Variants in MYT1L observed in about 807,000 individuals in gnomAD.
MYT1L encodes the protein myelin transcription factor 1 like.
MYT1L carries 12 observed loss-of-function variants against 126.7 expected under a neutral mutation model. That is an observed-to-expected ratio of 0.09 (90% CI 0.06 to 0.15). The LOEUF is 0.15. Among genes scored for constraint, MYT1L ranks in the 10% least tolerant of loss-of-function variants. MYT1L has a pLI of 1.00. For synonymous variants in MYT1L, 541 were observed against 604.2 expected (o/e 0.90, Z 1.53); for missense variants, 979 against 1,585.2 (o/e 0.62, Z 6.49).
chr2:2,021,098 G>A (rs2149827911), intron 4 of MYT1L, among the ~76,000 whole-genome samples: 1 of 152,322 alleles, frequency 6.6e-6, no homozygotes, highest in Non-Finnish European at 1.5e-5. Flanking sequence ...TCCCGGAGGG[G>A]CTGCTTTAGA....
At chr2:1,866,709 G>C (rs866957540) in intron 18 of MYT1L, among the ~76,000 whole-genome samples, 2 of 115,638 alleles carry the variant, frequency 1.7e-5, no homozygotes, top group Admixed American at 1.7e-4. Context: ...GAGGGAGGGA[G>C]AGAGAGAGGC....
intron 3 of MYT1L, among the ~76,000 whole-genome samples, chr2:2,128,977 C>T (rs1005316562): frequency 3.9e-5 from 6 of 152,126 alleles, no homozygotes; most frequent in African/African-American, 1.4e-4. Context: ...AGAGACTCTT[C>T]CAAGGAATAT....
chr2:2,209,728 G>A (rs1052062863), intron 2 of MYT1L, among the ~76,000 whole-genome samples: 1 of 151,996 alleles, frequency 6.6e-6, no homozygotes, highest in African/African-American at 2.4e-5. Flanking sequence ...CCAAATGTTG[G>A]CTCTTGTGAA....
chr2:1,903,866 T>C (rs920320226), intron 13 of MYT1L, among the ~76,000 whole-genome samples: 1 of 152,146 alleles, frequency 6.6e-6, no homozygotes, highest in African/African-American at 2.4e-5. Flanking sequence ...CTTAATGTCT[T>C]TGGAATAAAA....
chr2:1,902,068 C>T lies in MYT1L; in HGVS notation c.2032+1012G>A, dbSNP rs114299446. Reference sequence around the variant, plus strand: ...GACTTCTAAATCATCAGAACATTTACACCCCAAGTCCCAATTGGTAAAACT... The same window carrying T: ...GACTTCTAAATCATCAGAACATTTATACCCCAAGTCCCAATTGGTAAAACT... On this transcript the variant is annotated intron_variant, in intron 14 of 24. Coordinates refer to ENST00000647738, the MANE Select transcript of MYT1L (RefSeq NM_001303052.2). Among the ~76,000 whole-genome samples, 838 of 152,346 alleles carry T rather than the reference C, an allele frequency of 5.5e-3. 4 individuals carry two copies. The highest frequency in any genetic ancestry group is 0.019 in the African/African-American group (785 of 41,572).
chr2:1,796,013 C>T (rs758286833), intron 23 of MYT1L, among the ~76,000 whole-genome samples: 1 of 152,112 alleles, frequency 6.6e-6, no homozygotes, highest in Non-Finnish European at 1.5e-5. Context: ...CTAAGAATGG[C>T]GTTTGCATTT....
intron 2 of MYT1L, among the ~76,000 whole-genome samples, chr2:2,178,694 C>T (rs1167005547): frequency 6.6e-6 from 1 of 152,094 alleles, no homozygotes; most frequent in Non-Finnish European, 1.5e-5. Context: ...GGTAGAATGG[C>T]TTTTGGCATT....
At chr2:1,998,006 T>G (rs1401411928) in intron 4 of MYT1L, among the ~76,000 whole-genome samples, 2 of 152,216 alleles carry the variant, frequency 1.3e-5, no homozygotes, top group African/African-American at 4.8e-5. Context: ...TAATTGAAAC[T>G]GAATTATCTG....
Position 1,917,294 on chromosome 2 carries a change from C to T in MYT1L, c.1529G>A (p.Gly510Glu). Residue 510 changes from glycine to glutamate, a missense_variant, in exon 11 of 25, where the codon GGG becomes GAG. Around this residue, in one of 12 missense-constraint regions of MYT1L, gnomAD observed 8 missense variants for 52.3 expected, o/e 0.15. Coordinates refer to ENST00000647738, the MANE Select transcript of MYT1L (RefSeq NM_001303052.2). This position sits in a 1 kb window ranked among gnomAD's most constrained non-coding sequence, Gnocchi z 5.9. The part of the protein sequence containing the change: ...EKKESKCPTP[G>E]CDGTGHVTGL... ...AGTTACGTGGCCGGTTCCATCACAC[C>T]CGGGGGTTGGACACTTGCTCTCTTT... is the stretch of plus-strand genomic sequence containing the variant. The T allele has an allele frequency of 6.2e-7, 1 of 1,612,974 alleles. No homozygotes were observed.
intron 2 of MYT1L, among the ~76,000 whole-genome samples, chr2:2,212,940 C>G (rs963095331): frequency 1.3e-5 from 2 of 152,162 alleles, no homozygotes; most frequent in Admixed American, 6.5e-5. Context: ...AGCTGGCCAT[C>G]TGTCTTTCAT....
At position 2,331,093 on chromosome 2, in the gene MYT1L, A is replaced by T. The variant is rs964152009; in HGVS notation, c.-647T>A. ...CAAGTTTGAAAGGATGATGAGACAC[A>T]TGCATGCCACCAAGACGCAGAAAAG... On this transcript the variant is annotated 5_prime_UTR_variant, in exon 1 of 25. An upstream start codon of the reference 5' UTR is lost. Coordinates refer to ENST00000647738, the MANE Select transcript of MYT1L (RefSeq NM_001303052.2). 1 of 152,098 alleles carries T rather than the reference A, an allele frequency of 6.6e-6. No individual in the cohort carries two copies. The highest frequency in any genetic ancestry group is 2.4e-5 in the African/African-American group (1 of 41,438). The allele number at this position is 152,098 out of a possible 1,614,324, so 9.4% of individuals were successfully genotyped here.
intron 15 of MYT1L, among the ~76,000 whole-genome samples, chr2:1,891,045 C>T (rs908992931): frequency 3.9e-5 from 6 of 152,174 alleles, no homozygotes; most frequent in Admixed American, 1.3e-4. Flanking sequence ...CTCTTCCATG[C>T]TAACCTTGCA....
intron 4 of MYT1L, among the ~76,000 whole-genome samples, chr2:2,004,547 G>T (rs533991116): frequency 1.8e-4 from 25 of 139,482 alleles, no homozygotes; most frequent in Non-Finnish European, 3.1e-4. Context: ...TCCTGCATGC[G>T]TTCTTTCCTG....
chr2:1,830,854 T>C (rs1362449247), intron 21 of MYT1L, among the ~76,000 whole-genome samples: 8 of 152,098 alleles, frequency 5.3e-5, no homozygotes, highest in African/African-American at 1.9e-4. Flanking sequence ...CACAGGATCC[T>C]CCAAATTCCA....
chr2:1,977,654 TAC>T (rs1313263004), intron 8 of MYT1L, among the ~76,000 whole-genome samples: 2 of 152,216 alleles, frequency 1.3e-5, no homozygotes. Flanking sequence ...CCTAAGTATA[TAC>T]ACCTACTATG....
chr2:2,317,510 A>G (rs1370460107), intron 1 of MYT1L, among the ~76,000 whole-genome samples: 2 of 152,126 alleles, frequency 1.3e-5, no homozygotes, highest in Admixed American at 1.3e-4. Context: ...CCTAGGAGGA[A>G]GGTCTTCTCA....
In MYT1L at chr2:1,843,297, C is replaced by T. The variant is rs947427020; in HGVS notation, c.2775-2454G>A. ...GCGATGCCTGGGAGTGTAAACCATG[C>T]GAGTGTTCCTCTGCGGTTCCCCAAT... is the stretch of plus-strand genomic sequence containing the variant. On this transcript the variant is annotated intron_variant, in intron 19 of 24. Coordinates refer to ENST00000647738, the MANE Select transcript of MYT1L (RefSeq NM_001303052.2). Among the ~76,000 whole-genome samples the T allele has an allele frequency of 8.9e-4, 136 of 152,206 alleles. 3 individuals are homozygous for T. The highest frequency in any genetic ancestry group is 1.8e-4 in the Non-Finnish European group (12 of 68,042).
chr2:1,799,933 A>G (rs2034515117), intron 23 of MYT1L, among the ~76,000 whole-genome samples: 1 of 152,088 alleles, frequency 6.6e-6, no homozygotes, highest in South Asian at 2.1e-4. Context: ...CCTTCCTGCC[A>G]CCTTGTGAAG....
At chr2:2,185,585 G>A (rs555034727) in intron 2 of MYT1L, among the ~76,000 whole-genome samples, 2 of 148,188 alleles carry the variant, frequency 1.3e-5, no homozygotes, top group Admixed American at 6.7e-5. Context: ...TGAGGGGGAC[G>A]CAGCCAGGCC....
Sources: allele counts gnomAD v4.1 joint callset (sites outside exome capture counted in the v4.1 genomes callset), GRCh38; gene constraint gnomAD v4.1.1; regional missense constraint gnomAD v4.1.1; non-coding constraint Gnocchi (gnomAD v3.1); transcripts MANE v1.5; gene names NCBI Gene and HGNC (gene_info 2026-07-23, HGNC 2026-07-21).